Variants in ELAVL2 observed in about 807,000 individuals in gnomAD.
The protein encoded by ELAVL2 is ELAV like RNA binding protein 2.
In ELAVL2, 4 loss-of-function variants were observed where a neutral mutation model predicts 34.6. The ratio of observed to expected loss-of-function variants is 0.12; its 90% CI spans 0.06 to 0.26. The LOEUF (loss-of-function observed/expected upper bound fraction) is 0.26, where lower values mean the gene tolerates loss of function less well. ELAVL2 is among the 10% of genes least tolerant of loss of function. The pLI is 1.00. For missense variants in ELAVL2, 432 were observed against 442.8 expected (o/e 0.98, Z 0.22); for synonymous variants, 193 against 154.8 (o/e 1.25, Z -1.83).
chr9:23,807,744 G>A (rs1250250318), intron 1 of ELAVL2, among the ~76,000 whole-genome samples: 1 of 152,084 alleles, frequency 6.6e-6, no homozygotes, highest in Non-Finnish European at 1.5e-5. Flanking sequence ...TCTAATTTCC[G>A]CCAAGCAAAA....
the ELAVL2 span, among the ~76,000 whole-genome samples, chr9:23,845,897 T>A: frequency 6.6e-6 from 1 of 151,898 alleles, no homozygotes; most frequent in African/African-American, 2.4e-5. Context: ...TGCTATCATT[T>A]CTTCTCAGGT....
Position 23,719,870 on chromosome 9 carries a change from G to T in ELAVL2, c.333+11152C>A, listed in dbSNP as rs190068973. On this transcript the variant is annotated intron_variant, in intron 3 of 6. Transcript: ENST00000397312. The stretch of plus-strand genomic sequence containing the variant: ...ATGGGAGTTTTGCTCTTGTTGCTCA[G>T]GTTGGAGTATAATGGTGTGATCTCA... 1.3e-3 allele frequency among the ~76,000 whole-genome samples: 195 copies of T among 147,078 alleles called. 1 individual carries two copies. In the Middle Eastern group the frequency reaches 0.015, roughly 11 times the overall value.
chr9:23,748,650 C>T (rs1314300536), intron 2 of ELAVL2, among the ~76,000 whole-genome samples: 1 of 152,148 alleles, frequency 6.6e-6, no homozygotes, highest in Non-Finnish European at 1.5e-5. Flanking sequence ...AGTCAGCAAT[C>T]TGGCAAAATA....
At chr9:23,811,201 T>G (rs778912868) in intron 1 of ELAVL2, among the ~76,000 whole-genome samples, 2 of 151,662 alleles carry the variant, frequency 1.3e-5, no homozygotes, top group Non-Finnish European at 2.9e-5. Flanking sequence ...TGGGAAAAAA[T>G]TTTTTCAAAA....
chr9:23,723,278 G>A lies in ELAVL2; in HGVS notation c.333+7744C>T, dbSNP rs1178827351. Among the ~76,000 whole-genome samples, 5 of 151,800 alleles carry A rather than the reference G, an allele frequency of 3.3e-5. No homozygotes were observed. In the South Asian group the frequency reaches 1.0e-3, roughly 32 times the overall value. On this transcript the variant is annotated intron_variant, in intron 3 of 6. Coordinates refer to ENST00000397312, the MANE Select transcript of ELAVL2 (RefSeq NM_004432.5). ...GAGTTCATGTCCTTTGTAGGGACATGGATGAAATTGGAAATCATCATTCTC... is the reference window on the plus strand; with the variant it reads ...GAGTTCATGTCCTTTGTAGGGACATAGATGAAATTGGAAATCATCATTCTC...
At chr9:23,727,404 C>CGCCCA (rs1262174016) in intron 3 of ELAVL2, among the ~76,000 whole-genome samples, 1 of 152,046 alleles carries the variant, frequency 6.6e-6, no homozygotes, top group East Asian at 1.9e-4. Flanking sequence ...GCTAAACGAT[C>CGCCCA]GCCCAGCATG....
intron 1 of ELAVL2, among the ~76,000 whole-genome samples, chr9:23,797,610 C>T (rs2061095998): frequency 6.6e-6 from 1 of 152,144 alleles, no homozygotes; most frequent in African/African-American, 2.4e-5. Context: ...TTTAGGTTTG[C>T]CATAATGATA....
chr9:23,709,804 A>T (rs541722471), intron 3 of ELAVL2, among the ~76,000 whole-genome samples: 1 of 152,332 alleles, frequency 6.6e-6, no homozygotes, highest in South Asian at 2.1e-4. Flanking sequence ...GAAATGTCAA[A>T]ACTACTAAGT....
intron 2 of ELAVL2, among the ~76,000 whole-genome samples, chr9:23,746,725 C>T (rs1362840562): frequency 6.6e-6 from 1 of 151,584 alleles, no homozygotes; most frequent in African/African-American, 2.4e-5. Context: ...AGAGAATTCC[C>T]CAATACAGAA....
chr9:23,721,775 A>G (rs918073550), intron 3 of ELAVL2, among the ~76,000 whole-genome samples: 2 of 152,150 alleles, frequency 1.3e-5, no homozygotes, highest in Admixed American at 6.5e-5. Flanking sequence ...AACAGTAAAT[A>G]TATTTTGTCT....
the ELAVL2 span, among the ~76,000 whole-genome samples, chr9:23,831,888 T>G: frequency 6.6e-6 from 1 of 151,766 alleles, no homozygotes; most frequent in South Asian, 2.1e-4. Context: ...AGGGAAGCTG[T>G]GAGGAGAAGT....
At chr9:23,745,131 G>C (rs2050190936) in intron 2 of ELAVL2, among the ~76,000 whole-genome samples, 1 of 152,086 alleles carries the variant, frequency 6.6e-6, no homozygotes, top group African/African-American at 2.4e-5. Flanking sequence ...TTGAGCTTGG[G>C]AGCTTGAGGC....
In ELAVL2 at chr9:23,705,011, G is replaced by C. The variant is rs1224210450; in HGVS notation, c.394C>G (p.Leu132Val). ...TCCTTCTGGGTCATTGTTTTTGGAAGTCCGCTGACATATAAATTTGCATCT... is the reference window on the plus strand; with the variant it reads ...TCCTTCTGGGTCATTGTTTTTGGAACTCCGCTGACATATAAATTTGCATCT... ...IRDANLYVSGLPKTMTQKELE... is the reference protein window; with the variant it reads ...IRDANLYVSGVPKTMTQKELE... The change falls in exon 4 of 7, where the codon CTT becomes GTT. Residue 132 changes from leucine to valine, a missense_variant. Leu to Val is a conservative substitution (Grantham distance 32). Transcript: ENST00000397312. 1.2e-6 allele frequency: 2 copies of C among 1,614,000 alleles called. No homozygotes were observed. Among genetic ancestry groups the C allele is most frequent in the Non-Finnish European group, 1.7e-6 (2 of 1,180,020 alleles).
At chr9:23,810,258 C>G (rs189109259) in intron 1 of ELAVL2, among the ~76,000 whole-genome samples, 43 of 152,158 alleles carry the variant, frequency 2.8e-4, no homozygotes, top group Admixed American at 1.2e-3. Flanking sequence ...CAGCTGGCAT[C>G]AGAAAGTCAC....
chr9:23,842,798 C>G, the ELAVL2 span, among the ~76,000 whole-genome samples: 1 of 152,098 alleles, frequency 6.6e-6, no homozygotes, highest in African/African-American at 2.4e-5. Flanking sequence ...GCATTTGATG[C>G]TCAACTGACT....
rs1308885003 is a variant in ELAVL2, at chr9:23,826,002, AT to A, written c.-213del. 6 of 152,226 alleles carry A rather than the reference AT, an allele frequency of 3.9e-5. No individual in the cohort carries two copies. Among genetic ancestry groups the A allele is most frequent in the African/African-American group, 9.6e-5 (4 of 41,470 alleles). 9.4% of individuals were successfully genotyped at this position (152,226 alleles called of 1,614,324 possible). Reference sequence around the variant, plus strand: ...ATGCTAAAAGAAATGGCGAAAAAAAATATGAAAGGGGAGGGGAAACTTAAAA... The same window carrying A: ...ATGCTAAAAGAAATGGCGAAAAAAAAATGAAAGGGGAGGGGAAACTTAAAA... On this transcript the variant is annotated 5_prime_UTR_variant, in exon 1 of 7. Coordinates refer to ENST00000397312, the MANE Select transcript of ELAVL2 (RefSeq NM_004432.5).
chr9:23,705,640 C>A (rs2039074898), intron 3 of ELAVL2, among the ~76,000 whole-genome samples: 2 of 152,168 alleles, frequency 1.3e-5, no homozygotes, highest in African/African-American at 2.4e-5. Context: ...GTGGGGGATG[C>A]ATTAGATTCT....
intron 1 of ELAVL2, among the ~76,000 whole-genome samples, chr9:23,806,492 C>T (rs574047659): frequency 6.6e-6 from 1 of 152,014 alleles, no homozygotes; most frequent in South Asian, 2.1e-4. Flanking sequence ...TAAAAATTAG[C>T]CAGTTGCAGT....
the ELAVL2 span, among the ~76,000 whole-genome samples, chr9:23,843,533 C>T: frequency 1.3e-4 from 20 of 152,068 alleles, no homozygotes; most frequent in African/African-American, 4.3e-4. Flanking sequence ...CCCTTCTCCT[C>T]CATTGCAAAT....
Sources: gnomAD v4.1 joint callset for allele counts (sites outside exome capture counted in the v4.1 genomes callset) on GRCh38, gnomAD v4.1.1 for gene constraint, MANE v1.5 for transcripts, NCBI Gene and HGNC (gene_info 2026-07-23, HGNC 2026-07-21) for gene names.